The following TMEM69 variants were observed in gnomAD, a reference collection of about 807,000 sequenced individuals.
TMEM69 encodes the protein chromosome 1 open reading frame 154.
Under a neutral mutation model 15.8 loss-of-function variants are expected in TMEM69, and 17 were observed. The observed-to-expected ratio is 1.07, with a 90% CI of 0.73 to 1.61. The LOEUF is 1.61. TMEM69 is among the 40% of genes most tolerant of loss of function. The pLI is 0.00. For missense variants in TMEM69, 230 were observed against 286.1 expected (o/e 0.80, Z 1.41); for synonymous variants, 80 against 98.6 (o/e 0.81, Z 1.12).
intron 2 of TMEM69, among the ~76,000 whole-genome samples, chr1:45,691,875 C>CTCAAAAAGTAAAAATTAAAATAATTACA (rs775998567): frequency 6.6e-6 from 1 of 150,810 alleles, no homozygotes; most frequent in East Asian, 2.0e-4. Context: ...AGGCCAGGCA[C>CTCAAAAAGTAAAAATTAAAATAATTACA]GGTCACTCAC....
chr1:45,690,456 CGCGCCACTGCACTCCAGCCTGG>C (rs1645337338), intron 1 of TMEM69, among the ~76,000 whole-genome samples: 1 of 151,772 alleles, frequency 6.6e-6, no homozygotes, highest in Non-Finnish European at 1.5e-5. Flanking sequence ...GAGCCAAGAT[CGCGCCACTGCACTCCAGCCTGG>C]GCGACACAGC....
In TMEM69 at chr1:45,691,388, A is replaced by C. The variant is rs550847737; in HGVS notation, c.42+278A>C. ...GCACATGGCAAAACCCCATCTCTAC[A>C]AAAAATTAGCTGGGCATGGGGTCAC... On this transcript the variant is annotated intron_variant, in intron 2 of 2. Coordinates refer to ENST00000372025, the MANE Select transcript of TMEM69 (RefSeq NM_016486.4). Among the ~76,000 whole-genome samples the C allele has an allele frequency of 3.1e-4, 47 of 152,206 alleles. 1 individual carries two copies. In the South Asian group the frequency reaches 8.9e-3, roughly 29 times the overall value.
At chr1:45,689,423 A>G (rs1035318263) in intron 1 of TMEM69, among the ~76,000 whole-genome samples, 2 of 152,234 alleles carry the variant, frequency 1.3e-5, no homozygotes, top group Admixed American at 6.5e-5. Context: ...ATTAAGTGTT[A>G]TATCAGGCTA....
At chr1:45,689,987 C>G (rs1645334441) in intron 1 of TMEM69, among the ~76,000 whole-genome samples, 1 of 151,364 alleles carries the variant, frequency 6.6e-6, no homozygotes, top group Non-Finnish European at 1.5e-5. Context: ...AGAGCGAGAC[C>G]CTGTATCCAA....
intron 2 of TMEM69, among the ~76,000 whole-genome samples, chr1:45,692,797 A>G (rs191896128): frequency 3.6e-4 from 55 of 152,372 alleles, no homozygotes; most frequent in African/African-American, 1.3e-3. Context: ...TATTTTCTCC[A>G]TATAAAAACA....
intron 2 of TMEM69, among the ~76,000 whole-genome samples, chr1:45,692,887 T>G (rs1645353843): frequency 6.6e-6 from 1 of 152,218 alleles, no homozygotes; most frequent in Non-Finnish European, 1.5e-5. Context: ...ATTCTGAAGA[T>G]CTAGTCTTTA....
At position 45,690,875 on chromosome 1, in the gene TMEM69, A is replaced by AT. The variant is rs1645340233; in HGVS notation, c.-95-97dup. On this transcript the variant is annotated intron_variant, in intron 1 of 2. Coordinates refer to ENST00000372025, the MANE Select transcript of TMEM69 (RefSeq NM_016486.4). Reference sequence around the variant, plus strand: ...TACCGACAGTTTGAAAACATTAATGATTCTTTTCAAAGGAAAGTGTTATAT... The same window carrying AT: ...TACCGACAGTTTGAAAACATTAATGATTTCTTTTCAAAGGAAAGTGTTATAT... The AT allele has an allele frequency of 1.3e-5, 8 of 618,038 alleles. No homozygotes were observed. In the South Asian group the frequency reaches 1.4e-4, roughly 11 times the overall value. 38.3% of individuals were successfully genotyped at this position (618,038 alleles called of 1,614,324 possible).
At chr1:45,690,733 T>C (rs1312651768) in intron 1 of TMEM69, among the ~76,000 whole-genome samples, 1 of 152,074 alleles carries the variant, frequency 6.6e-6, no homozygotes, top group Non-Finnish European at 1.5e-5. Context: ...GTCACACAGC[T>C]AGGAAATGGT....
intron 2 of TMEM69, among the ~76,000 whole-genome samples, chr1:45,691,529 C>T (rs1020427220): frequency 8.6e-5 from 13 of 150,518 alleles, no homozygotes; most frequent in African/African-American, 3.2e-4. Flanking sequence ...GGTGACACAG[C>T]AAGACGATGT....
intron 1 of TMEM69, among the ~76,000 whole-genome samples, chr1:45,689,699 G>A (rs1432275184): frequency 4.6e-5 from 7 of 152,106 alleles, no homozygotes; most frequent in African/African-American, 9.7e-5. Context: ...TGAGCTGGGC[G>A]TGGTGGCATA....
At position 45,694,283 on chromosome 1, in the gene TMEM69, G is replaced by T; in HGVS notation, c.*378G>T. On this transcript the variant is annotated 3_prime_UTR_variant, in exon 3 of 3. Coordinates refer to ENST00000372025, the MANE Select transcript of TMEM69 (RefSeq NM_016486.4). ...CATTTCTAGAAATTGTTACTTCATG[G>T]TAATTACTTGAGCAAAAGCTTGAAA... The T allele has an allele frequency of 3.3e-6, 2 of 614,740 alleles. No homozygotes were observed. The highest frequency in any genetic ancestry group is 2.9e-5 in the East Asian group (1 of 34,514). The allele number at this position is 614,740 out of a possible 1,614,324, so 38.1% of individuals were successfully genotyped here.
At chr1:45,690,883 C>G in intron 1 of TMEM69, 91 bp from the exon 2 acceptor site, 2 of 628,186 alleles carry the variant, frequency 3.2e-6, no homozygotes, top group Non-Finnish European at 5.7e-6. Context: ...TGATTCTTTT[C>G]AAAGGAAAGT....
In TMEM69 at chr1:45,690,958, C is replaced by G; in HGVS notation, c.-95-16C>G. On this transcript the variant is annotated splice_polypyrimidine_tract_variant and intron_variant, in intron 1 of 2. Coordinates refer to ENST00000372025, the MANE Select transcript of TMEM69 (RefSeq NM_016486.4). The stretch of plus-strand genomic sequence containing the variant: ...TAAAATGAGGAAAATTAAGTGACAC[C>G]TTGTGTTATACACAGAAACATGCCC... 8.8e-7 allele frequency: 1 copy of G among 1,132,808 alleles called. No homozygotes were observed. The highest frequency in any genetic ancestry group is 2.4e-5 in the East Asian group (1 of 42,024). The allele number at this position is 1,132,808 out of a possible 1,614,324, so 70.2% of individuals were successfully genotyped here. A position where few individuals can be genotyped will look rare whatever the true frequency, so the allele number is the denominator to read the frequency against.
At chr1:45,692,826 G>T (rs1322432077) in intron 2 of TMEM69, among the ~76,000 whole-genome samples, 3 of 152,336 alleles carry the variant, frequency 2.0e-5, no homozygotes, top group Non-Finnish European at 2.9e-5. Context: ...ACGGTAATTA[G>T]TGCTGCTGCT....
intron 1 of TMEM69, among the ~76,000 whole-genome samples, chr1:45,690,510 A>G (rs1483558306): frequency 3.3e-5 from 5 of 152,190 alleles, no homozygotes; most frequent in Non-Finnish European, 7.4e-5. Context: ...CTCAAAACAA[A>G]CAAACAAATT....
In TMEM69 at chr1:45,694,196, T is replaced by C; in HGVS notation, c.*291T>C. The C allele has an allele frequency of 2.0e-6, 1 of 500,852 alleles. No individual in the cohort carries two copies. Among genetic ancestry groups the C allele is most frequent in the Non-Finnish European group, 3.5e-6 (1 of 284,824 alleles). The allele number at this position is 500,852 out of a possible 1,614,324, so 31.0% of individuals were successfully genotyped here. ...CATTTGTATGCCAGCTACACCTTTT[T>C]CTACTTCTGTTTGGCTTTTTTTCCC... On this transcript the variant is annotated 3_prime_UTR_variant, in exon 3 of 3. Coordinates refer to ENST00000372025, the MANE Select transcript of TMEM69 (RefSeq NM_016486.4).
At position 45,689,115 on chromosome 1, in the gene TMEM69, G is replaced by GT. The variant is rs1645325821; in HGVS notation, c.-96+840_-96+841insT. On this transcript the variant is annotated intron_variant, in intron 1 of 2. Coordinates refer to ENST00000372025, the MANE Select transcript of TMEM69 (RefSeq NM_016486.4). ...AGACGGGGGGGAGGTTCACTACGTT[G>GT]GCCAGGCTGGTCTCGAACTCCTGAC... Among the ~76,000 whole-genome samples, 3 of 151,752 alleles carry GT rather than the reference G, an allele frequency of 2.0e-5. 1 individual carries two copies. In the South Asian group the frequency reaches 6.2e-4, roughly 32 times the overall value.
In TMEM69 at chr1:45,690,965, T is replaced by A. The variant is rs1645340938; in HGVS notation, c.-95-9T>A. On this transcript the variant is annotated splice_polypyrimidine_tract_variant and intron_variant, in intron 1 of 2. Transcript: ENST00000372025. Reference sequence around the variant, plus strand: ...AGGAAAATTAAGTGACACCTTGTGTTATACACAGAAACATGCCCCTGATTC... The same window carrying A: ...AGGAAAATTAAGTGACACCTTGTGTAATACACAGAAACATGCCCCTGATTC... The A allele has an allele frequency of 8.0e-7, 1 of 1,254,766 alleles. No homozygotes were observed. Among genetic ancestry groups the A allele is most frequent in the Non-Finnish European group, 1.2e-6 (1 of 861,224 alleles). 77.7% of individuals were successfully genotyped at this position (1,254,766 alleles called of 1,614,324 possible).
At position 45,694,280 on chromosome 1, in the gene TMEM69, A is replaced by C. The variant is rs764720729; in HGVS notation, c.*375A>C. 59 of 614,396 alleles carry C rather than the reference A, an allele frequency of 9.6e-5. No homozygotes were observed. The highest frequency in any genetic ancestry group is 1.4e-4 in the Non-Finnish European group (49 of 343,882). The allele number at this position is 614,396 out of a possible 1,614,324, so 38.1% of individuals were successfully genotyped here. ...CTTCATTTCTAGAAATTGTTACTTC[A>C]TGGTAATTACTTGAGCAAAAGCTTG... On this transcript the variant is annotated 3_prime_UTR_variant, in exon 3 of 3. Transcript: ENST00000372025.
Sources: gnomAD v4.1 joint callset for allele counts (sites outside exome capture counted in the v4.1 genomes callset) on GRCh38, gnomAD v4.1.1 for gene constraint, MANE v1.5 for transcripts, NCBI Gene and HGNC (gene_info 2026-07-23, HGNC 2026-07-21) for gene names.